The following SNTG1 variants were observed in gnomAD, a reference collection of about 807,000 sequenced individuals.
SNTG1 encodes the protein syntrophin gamma 1, also known as gamma-1-syntrophin.
A neutral mutation model predicts 74.7 loss-of-function variants in SNTG1; 39 were observed. That is an observed-to-expected ratio of 0.52 (90% CI 0.40 to 0.68). SNTG1 has a LOEUF of 0.68. Ranked by LOEUF, SNTG1 falls within the 30% of genes least tolerant of loss-of-function variation. SNTG1 has a pLI of 0.00. For missense variants in SNTG1, 685 were observed against 609.5 expected, an observed-to-expected ratio of 1.12 and a Z score of -1.30; for synonymous variants, 254 against 217.1, an observed-to-expected ratio of 1.17 and a Z score of -1.49.
At chr8:50,694,342 A>G (rs118079448) in intron 15 of SNTG1, among the ~76,000 whole-genome samples, 2,433 of 152,212 alleles carry the variant, frequency 0.016, 38 homozygotes, top group Middle Eastern at 0.037. Flanking sequence ...ACCTAGAAGA[A>G]ATGAATACAT....
At chr8:50,490,283 C>T (rs753714237) in intron 8 of SNTG1, among the ~76,000 whole-genome samples, 11 of 151,856 alleles carry the variant, frequency 7.2e-5, no homozygotes, top group Middle Eastern at 3.4e-3. Flanking sequence ...TGAAATTGAA[C>T]GTAGTTTTTT....
intron 13 of SNTG1, among the ~76,000 whole-genome samples, chr8:50,598,697 C>A (rs1563629808): frequency 1.3e-5 from 2 of 151,798 alleles, no homozygotes; most frequent in Admixed American, 6.6e-5. Context: ...ATTAATTATC[C>A]CAATCCATGA....
At chr8:50,655,798 C>G (rs964991187) in intron 13 of SNTG1, among the ~76,000 whole-genome samples, 3 of 152,148 alleles carry the variant, frequency 2.0e-5, no homozygotes, top group African/African-American at 7.2e-5. Context: ...GCAAAACAAA[C>G]CATCCCCTTA....
intron 4 of SNTG1, among the ~76,000 whole-genome samples, chr8:50,412,018 C>T (rs544535120): frequency 4.9e-4 from 74 of 152,068 alleles, no homozygotes; most frequent in Non-Finnish European, 8.7e-4. Context: ...TTGAAGGCTC[C>T]TCCAAACGTA....
At chr8:50,492,030 C>T (rs2093860999) in intron 8 of SNTG1, among the ~76,000 whole-genome samples, 1 of 152,112 alleles carries the variant, frequency 6.6e-6, no homozygotes, top group African/African-American at 2.4e-5. Context: ...ATGATGGTGT[C>T]CAGCTTCATC....
In SNTG1 at chr8:50,242,795, T is replaced by A. The variant is rs183183002; in HGVS notation, c.-28+70160T>A. 4.2e-3 allele frequency among the ~76,000 whole-genome samples: 631 copies of A among 150,560 alleles called. 7 individuals carry two copies. The highest frequency in any genetic ancestry group is 0.015 in the African/African-American group (603 of 41,234). ...TATATTATCTATTTATATTACCATA[T>A]TATCTATTTAAAGAAAATATAAGCA... On this transcript the variant is annotated intron_variant, in intron 2 of 18. Transcript: ENST00000642720.
intron 2 of SNTG1, among the ~76,000 whole-genome samples, chr8:50,340,858 A>G (rs764275053): frequency 6.6e-6 from 1 of 151,958 alleles, no homozygotes; most frequent in Non-Finnish European, 1.5e-5. Flanking sequence ...AATGTAAAAA[A>G]TACTTCTTGG....
intron 13 of SNTG1, 147 bp downstream of exon 13, chr8:50,591,064 C>T: frequency 2.1e-6 from 1 of 485,918 alleles, no homozygotes; most frequent in Non-Finnish European, 3.6e-6. Context: ...TCAGATATCT[C>T]CTTCATATTA....
intron 17 of SNTG1, among the ~76,000 whole-genome samples, chr8:50,750,316 G>C (rs2095564444): frequency 6.6e-6 from 1 of 151,982 alleles, no homozygotes; most frequent in Non-Finnish European, 1.5e-5. Context: ...TTATGGAGGA[G>C]CAAAGAAAGT....
At chr8:50,251,121 G>A (rs541229302) in intron 2 of SNTG1, among the ~76,000 whole-genome samples, 1 of 152,090 alleles carries the variant, frequency 6.6e-6, no homozygotes, top group South Asian at 2.1e-4. Flanking sequence ...ATTTTTATGT[G>A]ACCAAAGTTA....
intron 2 of SNTG1, among the ~76,000 whole-genome samples, chr8:50,317,388 T>C (rs1291412787): frequency 3.3e-5 from 5 of 152,216 alleles, no homozygotes; most frequent in Non-Finnish European, 7.3e-5. Context: ...AAGTGCAAGG[T>C]TATTTTCTAT....
chr8:50,298,357 G>A (rs916312459), intron 2 of SNTG1, among the ~76,000 whole-genome samples: 4 of 152,106 alleles, frequency 2.6e-5, no homozygotes, highest in South Asian at 2.1e-4. Context: ...CCAATGGGGT[G>A]GAGTTAGGGC....
chr8:50,603,354 T>C (rs1452466645), intron 13 of SNTG1, among the ~76,000 whole-genome samples: 1 of 152,214 alleles, frequency 6.6e-6, no homozygotes, highest in East Asian at 1.9e-4. Flanking sequence ...TCTGCTTGAT[T>C]CTTTTAAACC....
intron 1 of SNTG1, among the ~76,000 whole-genome samples, chr8:49,993,728 G>T (rs1813908957): frequency 6.6e-6 from 1 of 152,114 alleles, no homozygotes; most frequent in Non-Finnish European, 1.5e-5. Context: ...CCTTGCAAAA[G>T]ACATGAACTC....
At chr8:50,314,176 C>T (rs371401712) in intron 2 of SNTG1, among the ~76,000 whole-genome samples, 2 of 149,458 alleles carry the variant, frequency 1.3e-5, no homozygotes, top group East Asian at 4.0e-4. Flanking sequence ...CATTCTGATT[C>T]GAATCTGGTT....
At chr8:50,780,283 A>G (rs1427747150) in intron 18 of SNTG1, among the ~76,000 whole-genome samples, 3 of 152,186 alleles carry the variant, frequency 2.0e-5, no homozygotes, top group Admixed American at 6.5e-5. Flanking sequence ...GAATGGTACC[A>G]GTTCCTCCTT....
intron 18 of SNTG1, among the ~76,000 whole-genome samples, chr8:50,769,906 C>T (rs1480213234): frequency 6.6e-6 from 1 of 151,986 alleles, no homozygotes; most frequent in Admixed American, 6.6e-5. Context: ...TTGAAGCAAG[C>T]AGTTTAGCAG....
At chr8:50,442,438 G>C (rs2093366244) in intron 5 of SNTG1, among the ~76,000 whole-genome samples, 1 of 151,900 alleles carries the variant, frequency 6.6e-6, no homozygotes, top group Non-Finnish European at 1.5e-5. Context: ...AACCCTTCTA[G>C]GGCTTTATGC....
intron 18 of SNTG1, among the ~76,000 whole-genome samples, chr8:50,765,182 A>G (rs1021375860): frequency 2.0e-5 from 3 of 152,012 alleles, no homozygotes; most frequent in Admixed American, 6.6e-5. Flanking sequence ...ATCTGAGGGG[A>G]AAAATGCCCA....
Sources: allele counts gnomAD v4.1 joint callset (sites outside exome capture counted in the v4.1 genomes callset), GRCh38; gene constraint gnomAD v4.1.1; transcripts MANE v1.5; gene names NCBI Gene and HGNC (gene_info 2026-07-23, HGNC 2026-07-21).